NCMAP: variants seen among roughly 807,000 people sequenced by gnomAD.
NCMAP encodes the protein noncompact myelin-associated protein.
NCMAP carries 8 observed loss-of-function variants against 7.8 expected under a neutral mutation model. The observed-to-expected ratio is 1.02, with a 90% CI of 0.60 to 1.84. The LOEUF (loss-of-function observed/expected upper bound fraction) is 1.84. NCMAP is among the 40% of genes most tolerant of loss of function. NCMAP has a pLI of 0.00. For missense variants in NCMAP, 112 were observed against 131.4 expected (o/e 0.85, Z 0.72); for synonymous variants, 41 against 52.9 (o/e 0.78, Z 0.98).
chr1:24,587,462 G>A (rs1437797768), intron 1 of NCMAP, among the ~76,000 whole-genome samples: 4 of 152,092 alleles, frequency 2.6e-5, no homozygotes, highest in Non-Finnish European at 1.5e-5. Context: ...CTGTTCCATC[G>A]GTGAAAGTTT....
At chr1:24,592,868 G>A (rs545707930) in intron 1 of NCMAP, among the ~76,000 whole-genome samples, 3 of 152,032 alleles carry the variant, frequency 2.0e-5, no homozygotes, top group Admixed American at 1.3e-4. Flanking sequence ...GCAGTGAGCC[G>A]TGATCATGCC....
chr1:24,565,615 T>TGTGTGTGTGTGTGTG (rs1651207604), intron 1 of NCMAP, among the ~76,000 whole-genome samples: 7 of 141,150 alleles, frequency 5.0e-5, no homozygotes, highest in African/African-American at 1.8e-4. Flanking sequence ...TGTGTGTGTG[T>TGTGTGTGTGTGTGTG]TTTGAGACAG....
At chr1:24,581,051 G>T (rs1315022580) in intron 1 of NCMAP, among the ~76,000 whole-genome samples, 1 of 151,460 alleles carries the variant, frequency 6.6e-6, no homozygotes, top group Non-Finnish European at 1.5e-5. Flanking sequence ...TGTGCCAGGG[G>T]GTTCAGGATG....
intron 1 of NCMAP, chr1:24,563,534 C>CAAAAAAAAAAAAA (rs57911205): frequency 9.6e-5 from 12 of 125,342 alleles, no homozygotes; most frequent in South Asian, 2.5e-4. Context: ...AAAACAACAA[C>CAAAAAAAAAAAAA]AAAAAAAAAA....
At chr1:24,573,022 C>A (rs957054626) in intron 1 of NCMAP, among the ~76,000 whole-genome samples, 2 of 150,518 alleles carry the variant, frequency 1.3e-5, no homozygotes, top group Non-Finnish European at 2.9e-5. Context: ...GGAAAAGGCA[C>A]CCAGAAGGAG....
chr1:24,595,370 C>T (rs1652186954), intron 1 of NCMAP, 54 bp from the exon 2 acceptor site: 1 of 1,260,286 alleles, frequency 7.9e-7, no homozygotes, highest in Admixed American at 1.8e-5. Context: ...CATCAAGTAG[C>T]AATAATAAGG....
chr1:24,605,779 C>G lies in NCMAP; in HGVS notation c.*32C>G. 2.5e-6 allele frequency: 4 copies of G among 1,609,652 alleles called. No homozygotes were observed. Among genetic ancestry groups the G allele is most frequent in the Non-Finnish European group, 3.4e-6 (4 of 1,176,578 alleles). On this transcript the variant is annotated 3_prime_UTR_variant, in exon 4 of 4. Transcript: ENST00000374392. Reference sequence around the variant, plus strand: ...CCCTGGCGCTATCTCCACCACTGTCCAAAGAGCCTCTCCAGAGTCAAGACC... The same window carrying G: ...CCCTGGCGCTATCTCCACCACTGTCGAAAGAGCCTCTCCAGAGTCAAGACC...
In NCMAP at chr1:24,575,672, G is replaced by A. The variant is rs535631624; in HGVS notation, c.-8+19503G>A. 2.9e-4 allele frequency among the ~76,000 whole-genome samples: 44 copies of A among 152,162 alleles called. No homozygotes were observed. The South Asian group carries it at 3.3e-3, about 11-fold the overall frequency. On this transcript the variant is annotated intron_variant, in intron 1 of 3. Transcript: ENST00000374392. ...TTAAAACTGAGAAAACTGCCCGGGC[G>A]TGGTGGCTCATGCCTGTAATCCCAG...
At chr1:24,569,648 C>T (rs1651331917) in intron 1 of NCMAP, among the ~76,000 whole-genome samples, 1 of 150,780 alleles carries the variant, frequency 6.6e-6, no homozygotes, top group Non-Finnish European at 1.5e-5. Flanking sequence ...GATACTTAGT[C>T]TCTCTGGGCC....
intron 1 of NCMAP, among the ~76,000 whole-genome samples, chr1:24,587,393 A>G (rs1651912294): frequency 6.6e-6 from 1 of 152,246 alleles, no homozygotes; most frequent in African/African-American, 2.4e-5. Context: ...GACAACTACT[A>G]TCGCCACCTA....
intron 1 of NCMAP, among the ~76,000 whole-genome samples, chr1:24,577,223 T>TA (rs1651587849): frequency 1.3e-5 from 2 of 152,052 alleles, no homozygotes; most frequent in South Asian, 4.1e-4. Context: ...AATTTCATAT[T>TA]AAAATGCAGA....
In NCMAP at chr1:24,605,637, A is replaced by G. The variant is rs1190899795; in HGVS notation, c.199A>G (p.Lys67Glu). The G allele has an allele frequency of 1.1e-5, 17 of 1,614,130 alleles. No homozygotes were observed. Among genetic ancestry groups the G allele is most frequent in the Non-Finnish European group, 1.4e-5 (17 of 1,180,052 alleles). Residue 67 changes from lysine (K) to glutamate (E), a missense_variant, in exon 4 of 4, where the codon AAG (lysine) becomes GAG (glutamate). Coordinates refer to ENST00000374392, the MANE Select transcript of NCMAP (RefSeq NM_001010980.5). ...KMRTRRELEP[K>E]GPKPTAPSAV... ...GAGGACGAGGCGGGAACTAGAGCCC[A>G]AGGGCCCCAAGCCAACCGCCCCTTC...
intron 1 of NCMAP, among the ~76,000 whole-genome samples, chr1:24,579,128 C>T (rs113762140): frequency 6.6e-6 from 1 of 152,076 alleles, no homozygotes; most frequent in Non-Finnish European, 1.5e-5. Context: ...CTTGCTTCAC[C>T]CCTCGCTCAC....
chr1:24,584,216 T>G (rs1265196133), intron 1 of NCMAP, among the ~76,000 whole-genome samples: 1 of 152,120 alleles, frequency 6.6e-6, no homozygotes, highest in African/African-American at 2.4e-5. Flanking sequence ...AAGAGTTGGG[T>G]CCTTGGCTTG....
intron 2 of NCMAP, among the ~76,000 whole-genome samples, chr1:24,595,735 C>T (rs551405084): frequency 8.6e-5 from 13 of 150,718 alleles, no homozygotes; most frequent in African/African-American, 3.2e-4. Context: ...GGGACAGAAC[C>T]GCTATTTCTG....
intron 1 of NCMAP, among the ~76,000 whole-genome samples, chr1:24,592,570 G>A (rs1652079081): frequency 6.6e-6 from 1 of 152,124 alleles, no homozygotes. Flanking sequence ...AGAGGAAATA[G>A]GATTGAGATA....
intron 1 of NCMAP, among the ~76,000 whole-genome samples, chr1:24,579,564 T>C (rs1310373574): frequency 6.6e-6 from 1 of 152,030 alleles, no homozygotes; most frequent in African/African-American, 2.4e-5. Flanking sequence ...GCAAGACCCA[T>C]CTCTACAAAA....
At chr1:24,571,545 G>T (rs1651389083) in intron 1 of NCMAP, among the ~76,000 whole-genome samples, 1 of 150,568 alleles carries the variant, frequency 6.6e-6, no homozygotes, top group Non-Finnish European at 1.5e-5. Flanking sequence ...TTCCAAATAT[G>T]AACATTTCCA....
At chr1:24,559,153 A>G (rs1182359117) in intron 1 of NCMAP, among the ~76,000 whole-genome samples, 2 of 152,204 alleles carry the variant, frequency 1.3e-5, no homozygotes, top group Non-Finnish European at 2.9e-5. Flanking sequence ...GCTGCTGTCC[A>G]AGGGCCTCTG....
Sources: allele counts gnomAD v4.1 joint callset (sites outside exome capture counted in the v4.1 genomes callset), GRCh38; gene constraint gnomAD v4.1.1; transcripts MANE v1.5; gene names NCBI Gene and HGNC (gene_info 2026-07-23, HGNC 2026-07-21).